The following ZFP90 variants were observed in gnomAD, a reference collection of about 807,000 sequenced individuals.
ZFP90 encodes ZFP90 zinc finger protein.
Under a neutral mutation model 60.8 loss-of-function variants are expected in ZFP90, and 38 were observed. The observed-to-expected ratio is 0.62, with a 90% confidence interval of 0.48 to 0.82. The LOEUF (loss-of-function observed/expected upper bound fraction) is 0.82, where lower values mean the gene tolerates loss of function less well. Among genes scored for constraint, ZFP90 ranks in the 40% least tolerant of loss-of-function variants. The pLI, the probability that ZFP90 is intolerant of heterozygous loss-of-function variation, is 0.00. For synonymous variants in ZFP90, 287 were observed against 264.8 expected, an observed-to-expected ratio of 1.08 and a Z score of -0.82; for missense variants, 711 against 759.1, an observed-to-expected ratio of 0.94 and a Z score of 0.74.
upstream of ZFP90, among the ~76,000 whole-genome samples, chr16:68,537,078 A>G (rs1189716022): frequency 2.0e-5 from 3 of 151,408 alleles, no homozygotes; most frequent in Non-Finnish European, 4.4e-5. Flanking sequence ...CAGTTTCTTC[A>G]GCCTGGAATT....
At chr16:68,540,907 A>G (rs1302514320) in intron 2 of ZFP90, among the ~76,000 whole-genome samples, 2 of 132,274 alleles carry the variant, frequency 1.5e-5, no homozygotes, top group Admixed American at 8.4e-5. Context: ...ACAATACATC[A>G]TGCCTTTTTT....
upstream of ZFP90, among the ~76,000 whole-genome samples, chr16:68,538,167 C>T (rs1446145491): frequency 6.6e-6 from 1 of 152,154 alleles, no homozygotes; most frequent in Non-Finnish European, 1.5e-5. Context: ...CAGCCTCAGC[C>T]TCCCAAAGTG....
chr16:68,557,540 G>T (rs1567405775), intron 2 of ZFP90, among the ~76,000 whole-genome samples: 1 of 151,874 alleles, frequency 6.6e-6, no homozygotes, highest in African/African-American at 2.4e-5. Context: ...TGGTTAAGTG[G>T]GTGGGTGGGG....
rs2152079891 is a variant in ZFP90 at position 68,575,555 on chromosome 16, A to G, written c.224-236A>G. ...GTATGCAAAAAAAAAAAAAAAAAAA[A>G]GGCTAAAACAAAGGCACTACTCAAA... On this transcript the variant is annotated intron_variant, in intron 2 of 2. Transcript: ENST00000573113. Among the ~76,000 whole-genome samples, 3 of 148,318 alleles carry G rather than the reference A, an allele frequency of 2.0e-5. No homozygotes were observed. The South Asian group carries it at 6.4e-4, about 32-fold the overall frequency.
upstream of ZFP90, among the ~76,000 whole-genome samples, chr16:68,539,018 G>A (rs1265029453): frequency 6.6e-6 from 1 of 152,230 alleles, no homozygotes; most frequent in South Asian, 2.1e-4. Context: ...GTCGAAAGGG[G>A]CGTACGATTG....
intron 2 of ZFP90, chr16:68,574,339 C>T (rs927045355): frequency 6.6e-6 from 1 of 151,298 alleles, no homozygotes; most frequent in South Asian, 2.1e-4. Context: ...CTCCTTCCAA[C>T]CCCTTCTCCC....
At chr16:68,538,205 C>A (rs538550933), upstream of ZFP90, among the ~76,000 whole-genome samples, 2 of 152,128 alleles carry the variant, frequency 1.3e-5, no homozygotes, top group African/African-American at 4.8e-5. Context: ...AGCCACCGCA[C>A]CCGGCATAAA....
chr16:68,543,574 T>C (rs1325263657), intron 2 of ZFP90, among the ~76,000 whole-genome samples: 3 of 151,956 alleles, frequency 2.0e-5, no homozygotes, highest in Non-Finnish European at 4.4e-5. Flanking sequence ...TTCTTTTTTT[T>C]TTTTTGAGAC....
In ZFP90 at chr16:68,563,809, A is replaced by G. The variant is rs1458689457; in HGVS notation, c.1022A>G (p.Asn341Ser). The G allele has an allele frequency of 5.0e-6, 8 of 1,613,800 alleles. No homozygotes were observed. Among genetic ancestry groups the G allele is most frequent in the Admixed American group, 1.7e-5 (1 of 59,958 alleles). ...IHTGEKPYRCNLCGRSFRHGT... is the reference protein window; with the variant it reads ...IHTGEKPYRCSLCGRSFRHGT... ...ACTGGAGAGAAACCCTATCGATGTA[A>G]TCTATGTGGGAGGTCCTTTAGGCAT... The change falls in exon 5 of 5, where the codon AAT becomes AGT. Residue 341 changes from asparagine (N) to serine (S), a missense_variant. Physicochemically the swap from Asn to Ser is conservative, Grantham distance 46 (BLOSUM62 1). This residue lies in a region of ZFP90 where 146 missense variants were observed against 201.4 expected (regional missense o/e 0.73). Transcript: ENST00000563169.
At chr16:68,557,508 A>G (rs1374076776) in intron 2 of ZFP90, among the ~76,000 whole-genome samples, 2 of 151,988 alleles carry the variant, frequency 1.3e-5, no homozygotes, top group African/African-American at 2.4e-5. Flanking sequence ...ATAAAACAAG[A>G]TTCTGTGTTG....
Position 68,563,066 on chromosome 16 carries a change from C to G in ZFP90, c.279C>G (p.Val93=). Residue 93 remains valine, a synonymous_variant, in exon 5 of 5, where the codon GTC becomes GTG. Transcript: ENST00000563169. ...FYPDWKTRPE[V]KSSHLQQDVS... is the part of the protein sequence containing the mutation. The stretch of plus-strand genomic sequence containing the variant: ...CAGACTGGAAGACCAGGCCTGAAGT[C>G]AAATCATCACATTTGCAGCAGGATG... 1 of 1,614,094 alleles carries G rather than the reference C, an allele frequency of 6.2e-7. No individual in the cohort carries two copies. The highest frequency in any genetic ancestry group is 8.5e-7 in the Non-Finnish European group (1 of 1,180,018).
At chr16:68,538,262 C>T (rs1426010296), upstream of ZFP90, among the ~76,000 whole-genome samples, 1 of 152,154 alleles carries the variant, frequency 6.6e-6, no homozygotes, top group Admixed American at 6.5e-5. Context: ...AGTGTGACAT[C>T]AGGAACATTT....
downstream of ZFP90, among the ~76,000 whole-genome samples, chr16:68,569,493 T>C (rs889129039): frequency 2.0e-5 from 3 of 152,202 alleles, no homozygotes; most frequent in African/African-American, 7.2e-5. Flanking sequence ...ATCCAGTCAT[T>C]GTCCCACTCT....
At chr16:68,557,341 G>A (rs2091361740) in intron 2 of ZFP90, 2 of 448,980 alleles carry the variant, frequency 4.5e-6, no homozygotes, top group Non-Finnish European at 9.0e-6. Context: ...ATACGGCGAG[G>A]TGTTGTTGGT....
Position 68,563,218 on chromosome 16 carries a change from C to T in ZFP90, c.431C>T (p.Thr144Ile). Residue 144 changes from threonine (T) to isoleucine (I), a missense_variant, in exon 5 of 5, where the codon ACC becomes ATC. By Grantham distance (89) the Thr-to-Ile change is moderately conservative (BLOSUM62 -1). Around this residue, in one of 5 missense-constraint regions of ZFP90, gnomAD observed 241 missense variants for 247.6 expected, o/e 0.97. Coordinates refer to ENST00000563169, the MANE Select transcript of ZFP90 (RefSeq NM_001305203.2). Reference sequence around the variant, plus strand: ...AGACATCTGGGATCAGAGGCATCCACCCAGAAGAAAATAATTACACCACAA... The same window carrying T: ...AGACATCTGGGATCAGAGGCATCCATCCAGAAGAAAATAATTACACCACAA... ...WKRHLGSEAS[T>I]QKKIITPQEN... 3 of 1,613,832 alleles carry T rather than the reference C, an allele frequency of 1.9e-6. No homozygotes were observed. The highest frequency in any genetic ancestry group is 2.2e-5 in the East Asian group (1 of 44,882).
At chr16:68,561,631 T>C (rs1029365188) in intron 4 of ZFP90, among the ~76,000 whole-genome samples, 1 of 152,224 alleles carries the variant, frequency 6.6e-6, no homozygotes, top group African/African-American at 2.4e-5. Context: ...GGTATTTTAA[T>C]ATATTTTATC....
chr16:68,566,399 T>C lies in ZFP90; in HGVS notation c.*1701T>C, dbSNP rs998209269. 3 of 985,464 alleles carry C rather than the reference T, an allele frequency of 3.0e-6. No homozygotes were observed. In the African/African-American group the frequency reaches 5.2e-5, roughly 17 times the overall value. The allele number at this position is 985,464 out of a possible 1,614,324, so 61.0% of individuals were successfully genotyped here. Reference sequence around the variant, plus strand: ...GGCAAGATATTGGTCGTATTGATGGTGAACCTTTCCTACTGGATTCTTTGC... The same window carrying C: ...GGCAAGATATTGGTCGTATTGATGGCGAACCTTTCCTACTGGATTCTTTGC... On this transcript the variant is annotated 3_prime_UTR_variant, in exon 5 of 5. Transcript: ENST00000563169.
At chr16:68,552,316 CT>C (rs1454269950) in intron 2 of ZFP90, among the ~76,000 whole-genome samples, 5 of 152,160 alleles carry the variant, frequency 3.3e-5, no homozygotes, top group African/African-American at 4.8e-5. Context: ...TTGAAGGTGC[CT>C]GAGCCAAGGT....
At chr16:68,559,695 G>A (rs1262548793) in intron 4 of ZFP90, among the ~76,000 whole-genome samples, 3 of 151,140 alleles carry the variant, frequency 2.0e-5, no homozygotes, top group Admixed American at 1.3e-4. Context: ...AGCCTCCCAA[G>A]TAGCTAGGAC....
Sources: allele counts gnomAD v4.1 joint callset (sites outside exome capture counted in the v4.1 genomes callset), GRCh38; gene constraint gnomAD v4.1.1; regional missense constraint gnomAD v4.1.1; transcripts MANE v1.5; gene names NCBI Gene and HGNC (gene_info 2026-07-23, HGNC 2026-07-21).